B3GALT1: variants seen among roughly 807,000 people sequenced by gnomAD.
B3GALT1 encodes the protein beta-1,3-galactosyltransferase 1.
Under a neutral mutation model 23.2 loss-of-function variants are expected in B3GALT1, and 10 were observed. The observed-to-expected ratio is 0.43, with a 90% CI of 0.27 to 0.73. The LOEUF (loss-of-function observed/expected upper bound fraction) is 0.73, where lower values mean the gene tolerates loss of function less well. B3GALT1 is among the 30% of genes least tolerant of loss of function. The pLI is 0.21. For synonymous variants in B3GALT1, 156 were observed against 141.5 expected (o/e 1.10, Z -0.73); for missense variants, 299 against 405.4 (o/e 0.74, Z 2.25).
At chr2:167,477,376 C>A (rs1699502079) in intron 1 of B3GALT1, among the ~76,000 whole-genome samples, 1 of 152,108 alleles carries the variant, frequency 6.6e-6, no homozygotes, top group Non-Finnish European at 1.5e-5. Flanking sequence ...CCAGGCCATG[C>A]AGTGATTCAC....
At chr2:167,587,298 T>C (rs1415200326) in intron 2 of B3GALT1, among the ~76,000 whole-genome samples, 1 of 152,242 alleles carries the variant, frequency 6.6e-6, no homozygotes, top group Non-Finnish European at 1.5e-5. Flanking sequence ...ACCCATATTA[T>C]CATTTTATTG....
chr2:167,582,531 C>T (rs531147513), intron 2 of B3GALT1, among the ~76,000 whole-genome samples: 4 of 152,308 alleles, frequency 2.6e-5, no homozygotes, highest in East Asian at 3.9e-4. Context: ...CCAAACATAA[C>T]CTGAAGCCAG....
intron 4 of B3GALT1, among the ~76,000 whole-genome samples, chr2:167,822,488 C>G (rs73021241): frequency 2.0e-5 from 3 of 152,190 alleles, no homozygotes; most frequent in African/African-American, 7.2e-5. Flanking sequence ...AAGATACTCA[C>G]GGTGGAGGGT....
At chr2:167,351,035 G>A (rs1394481605) in intron 1 of B3GALT1, among the ~76,000 whole-genome samples, 2 of 152,144 alleles carry the variant, frequency 1.3e-5, no homozygotes, top group Non-Finnish European at 2.9e-5. Context: ...TTGCGAGGCC[G>A]AGGCAGGTGG....
At chr2:167,348,557 G>A (rs1409158050) in intron 1 of B3GALT1, among the ~76,000 whole-genome samples, 3 of 152,132 alleles carry the variant, frequency 2.0e-5, no homozygotes, top group Non-Finnish European at 4.4e-5. Flanking sequence ...TTCTTAATCT[G>A]TTATTCAAGG....
At chr2:167,604,922 G>A (rs1203740484) in intron 2 of B3GALT1, among the ~76,000 whole-genome samples, 1 of 152,144 alleles carries the variant, frequency 6.6e-6, no homozygotes, top group East Asian at 1.9e-4. Context: ...CTGATTTGAG[G>A]GCAAATATAT....
intron 2 of B3GALT1, among the ~76,000 whole-genome samples, chr2:167,516,968 A>G (rs1220696132): frequency 6.7e-6 from 1 of 149,752 alleles, no homozygotes; most frequent in African/African-American, 2.5e-5. Context: ...ATATATATAT[A>G]TATGACACTT....
At chr2:167,828,884 G>C (rs974242237) in intron 4 of B3GALT1, among the ~76,000 whole-genome samples, 1 of 152,162 alleles carries the variant, frequency 6.6e-6, no homozygotes, top group African/African-American at 2.4e-5. Context: ...CATTAACACT[G>C]TCCTGTCTCT....
rs565730069 is a variant in B3GALT1, at chr2:167,440,114, C to T, written c.-510-50063C>T. On this transcript the variant is annotated intron_variant, in intron 1 of 4. Coordinates refer to ENST00000392690, the MANE Select transcript of B3GALT1 (RefSeq NM_020981.4). The stretch of plus-strand genomic sequence containing the variant: ...ATCCCAGCACTTTGGGAGGCCGAGG[C>T]GGGCGGATCACGAGGTCAGGAGATC... 6.4e-3 allele frequency among the ~76,000 whole-genome samples: 973 copies of T among 151,650 alleles called. 11 individuals are homozygous for T. The highest frequency in any genetic ancestry group is 0.023 in the African/African-American group (936 of 41,424).
chr2:167,684,897 C>G (rs2105496083), intron 3 of B3GALT1, among the ~76,000 whole-genome samples: 1 of 152,226 alleles, frequency 6.6e-6, no homozygotes, highest in South Asian at 2.1e-4. Flanking sequence ...TAATCATAGC[C>G]ACCTGGGGCT....
In B3GALT1 at chr2:167,722,255, C is replaced by G. The variant is rs185088327; in HGVS notation, c.-352+75289C>G. ...GTTGAGAATTCTCTGCACAGATACT[C>G]CGAAGATAATGAATCTATGTAATAC... On this transcript the variant is annotated intron_variant, in intron 3 of 4. Coordinates refer to ENST00000392690, the MANE Select transcript of B3GALT1 (RefSeq NM_020981.4). Among the ~76,000 whole-genome samples the G allele has an allele frequency of 2.6e-5, 4 of 152,276 alleles. No individual in the cohort carries two copies. In the East Asian group the frequency reaches 5.8e-4, roughly 22 times the overall value.
chr2:167,308,463 T>C (rs141234153), intron 1 of B3GALT1, among the ~76,000 whole-genome samples: 22 of 152,156 alleles, frequency 1.4e-4, no homozygotes, highest in Admixed American at 3.3e-4. Context: ...TACTTTACTA[T>C]GCTATTTTAT....
intron 2 of B3GALT1, among the ~76,000 whole-genome samples, chr2:167,590,506 C>T (rs532512674): frequency 1.1e-4 from 16 of 150,476 alleles, no homozygotes; most frequent in African/African-American, 2.9e-4. Context: ...AAATAAAAGA[C>T]GAAGGAAAAA....
chr2:167,496,676 T>C (rs1699788580), intron 2 of B3GALT1, among the ~76,000 whole-genome samples: 1 of 152,168 alleles, frequency 6.6e-6, no homozygotes, highest in Non-Finnish European at 1.5e-5. Context: ...AAAATTCCTG[T>C]GTTGAAATCC....
At chr2:167,865,186 A>G (rs2105437536) in intron 4 of B3GALT1, among the ~76,000 whole-genome samples, 1 of 152,234 alleles carries the variant, frequency 6.6e-6, no homozygotes, top group Admixed American at 6.5e-5. Flanking sequence ...AGGCAGGAAG[A>G]TCACCTGAGG....
At chr2:167,446,436 C>T (rs1031981814) in intron 1 of B3GALT1, among the ~76,000 whole-genome samples, 1 of 152,198 alleles carries the variant, frequency 6.6e-6, no homozygotes, top group African/African-American at 2.4e-5. Flanking sequence ...GGAAGTTCTC[C>T]TGGATAATAT....
chr2:167,589,950 A>T (rs1016805705), intron 2 of B3GALT1, among the ~76,000 whole-genome samples: 4 of 152,106 alleles, frequency 2.6e-5, no homozygotes, highest in Non-Finnish European at 5.9e-5. Flanking sequence ...CCTATCCTTA[A>T]CTTTATCATT....
intron 3 of B3GALT1, among the ~76,000 whole-genome samples, chr2:167,647,921 C>T (rs764966570): frequency 6.6e-6 from 1 of 152,084 alleles, no homozygotes; most frequent in Non-Finnish European, 1.5e-5. Flanking sequence ...ATCCTTTGAG[C>T]TATAAACAAC....
At chr2:167,377,242 T>A (rs1319546057) in intron 1 of B3GALT1, among the ~76,000 whole-genome samples, 1 of 152,164 alleles carries the variant, frequency 6.6e-6, no homozygotes, top group Non-Finnish European at 1.5e-5. Flanking sequence ...TGAAATTTGC[T>A]TTAATGGCCA....
Sources: gnomAD v4.1 joint callset for allele counts (sites outside exome capture counted in the v4.1 genomes callset) on GRCh38, gnomAD v4.1.1 for gene constraint, MANE v1.5 for transcripts, NCBI Gene and HGNC (gene_info 2026-07-23, HGNC 2026-07-21) for gene names.